Variants in CDK5RAP1 observed in about 807,000 individuals in gnomAD.
The protein encoded by CDK5RAP1 is CDK5RAP1 mitochondrial tRNA methylthiotransferase.
Under a neutral mutation model 64.5 loss-of-function variants are expected in CDK5RAP1, and 62 were observed. The ratio of observed to expected loss-of-function variants is 0.96; its 90% CI spans 0.78 to 1.19. The LOEUF is 1.19. CDK5RAP1 is among the 50% of genes most tolerant of loss of function. The pLI is 0.00. For synonymous variants in CDK5RAP1, 250 were observed against 261.9 expected, an observed-to-expected ratio of 0.95 and a Z score of 0.44; for missense variants, 657 against 735.0, an observed-to-expected ratio of 0.89 and a Z score of 1.23.
In CDK5RAP1 at chr20:33,379,576, T is replaced by G. The variant is rs1986485787; in HGVS notation, c.992A>C (p.Tyr331Ser). The change falls in exon 8 of 14, where the codon TAT becomes TCT. Residue 331 changes from tyrosine (Y) to serine (S), a missense_variant. Physicochemically the swap from Tyr to Ser is moderately radical, Grantham distance 144. Transcript: ENST00000346416. ...TNLSRGFTTN[Y>S]KTKQGGLRFA... ...ACGAAGTCCTCCTTGCTTGGTTTTA[T>G]AGTTGGTGGTAAAGCCACGACTGAG... is the stretch of plus-strand genomic sequence containing the variant. 24 of 1,614,102 alleles carry G rather than the reference T, an allele frequency of 1.5e-5. No homozygotes were observed. Among genetic ancestry groups the G allele is most frequent in the Non-Finnish European group, 2.0e-5 (24 of 1,179,974 alleles).
chr20:33,372,862 G>T, intron 9 of CDK5RAP1, 165 bp from the exon 10 acceptor site: 1 of 464,830 alleles, frequency 2.2e-6, no homozygotes, highest in East Asian at 3.7e-5. Flanking sequence ...GATCTAAGCT[G>T]TATCTTCTAA....
At position 33,386,089 on chromosome 20, in the gene CDK5RAP1, C is replaced by T. The variant is rs143447790; in HGVS notation, c.756-319G>A. Reference sequence around the variant, plus strand: ...TTTTTTTGTTTTGTTTTGTTTGAGACGGAGTCTCACTCTGTCACCAGGCTG... The same window carrying T: ...TTTTTTTGTTTTGTTTTGTTTGAGATGGAGTCTCACTCTGTCACCAGGCTG... On this transcript the variant is annotated intron_variant, in intron 6 of 13. Coordinates refer to ENST00000346416, the MANE Select transcript of CDK5RAP1 (RefSeq NM_016408.4). Among the ~76,000 whole-genome samples, 1,234 of 152,294 alleles carry T rather than the reference C, an allele frequency of 8.1e-3. 22 individuals are homozygous for T. The highest frequency in any genetic ancestry group is 0.028 in the African/African-American group (1,176 of 41,544).
intron 8 of CDK5RAP1, 112 bp downstream of exon 8, chr20:33,379,349 C>G: frequency 2.8e-6 from 2 of 715,220 alleles, no homozygotes; most frequent in Non-Finnish European, 4.8e-6. Flanking sequence ...CAGCAATACC[C>G]CACAGGATCC....
At chr20:33,393,972 G>A in intron 4 of CDK5RAP1, 60 bp downstream of exon 4, 5 of 1,222,318 alleles carry the variant, frequency 4.1e-6, no homozygotes, top group Non-Finnish European at 6.1e-6. Flanking sequence ...GCCAGGCACT[G>A]TTAGCTCTGG....
intron 7 of CDK5RAP1, among the ~76,000 whole-genome samples, chr20:33,382,426 A>G (rs78967900): frequency 1.3e-5 from 2 of 152,208 alleles, no homozygotes; most frequent in African/African-American, 4.8e-5. Flanking sequence ...CATGCCTGTA[A>G]TCCTAGCACT....
intron 11 of CDK5RAP1, among the ~76,000 whole-genome samples, chr20:33,368,459 ATTTTTTTT>A (rs35954744): frequency 4.4e-5 from 3 of 67,566 alleles, no homozygotes; most frequent in African/African-American, 6.0e-5. Flanking sequence ...CTCTCGGCTA[ATTTTTTTT>A]TTTTTTTTTT....
At chr20:33,394,918 G>A in intron 3 of CDK5RAP1, 95 bp downstream of exon 3, 1 of 764,812 alleles carries the variant, frequency 1.3e-6, no homozygotes, top group Non-Finnish European at 2.4e-6. Context: ...CTCTCACCAG[G>A]GGGCACCCTG....
chr20:33,394,546 A>AC (rs1344694003), intron 3 of CDK5RAP1, among the ~76,000 whole-genome samples: 10 of 150,840 alleles, frequency 6.6e-5, no homozygotes, highest in African/African-American at 2.0e-4. Context: ...CAATAGCATA[A>AC]CCATAGCTCA....
At chr20:33,390,800 T>A (rs1988221430) in intron 5 of CDK5RAP1, among the ~76,000 whole-genome samples, 1 of 152,160 alleles carries the variant, frequency 6.6e-6, no homozygotes, top group South Asian at 2.1e-4. Flanking sequence ...GCTCCATCTG[T>A]GTGTGGACCC....
At position 33,396,941 on chromosome 20, in the gene CDK5RAP1, G is replaced by A; in HGVS notation, c.124C>T (p.Pro42Ser). 6.2e-7 allele frequency: 1 copy of A among 1,614,146 alleles called. No homozygotes were observed. Among genetic ancestry groups the A allele is most frequent in the Non-Finnish European group, 8.5e-7 (1 of 1,180,014 alleles). The change falls in exon 2 of 14, where the codon CCC (proline) becomes TCC (serine). Residue 42 changes from proline to serine, a missense_variant. Pro to Ser is a moderately conservative substitution (Grantham distance 74). Transcript: ENST00000346416. Reference protein sequence around the residue: ...AHSSLSSTMCPSPERQEDGAR... With the variant: ...AHSSLSSTMCSSPERQEDGAR... ...CCATCCTCCTGCCTCTCTGGACTGGGACACATGGTACTAGAGAGACTGCTG... is the reference window on the plus strand; with the variant it reads ...CCATCCTCCTGCCTCTCTGGACTGGAACACATGGTACTAGAGAGACTGCTG...
intron 11 of CDK5RAP1, among the ~76,000 whole-genome samples, chr20:33,369,258 C>T (rs1189650601): frequency 6.6e-6 from 1 of 151,940 alleles, no homozygotes; most frequent in Non-Finnish European, 1.5e-5. Flanking sequence ...CCGAGGCGGG[C>T]AGATCACGAG....
intron 2 of CDK5RAP1, among the ~76,000 whole-genome samples, 176 bp downstream of exon 2, chr20:33,396,585 C>G (rs1988913454): frequency 6.6e-6 from 1 of 152,144 alleles, no homozygotes; most frequent in South Asian, 2.1e-4. Flanking sequence ...CAGGCATGAG[C>G]CACCGTGACC....
In CDK5RAP1 at chr20:33,370,632, G is replaced by A; in HGVS notation, c.1262-3C>T. 1 of 1,614,182 alleles carries A rather than the reference G, an allele frequency of 6.2e-7. No homozygotes were observed. The highest frequency in any genetic ancestry group is 8.5e-7 in the Non-Finnish European group (1 of 1,180,012). ...GAAATCGCTGCTGAGGCTCACACCTGTGATACACAGCAAAGGATGACAGGT... is the reference window on the plus strand; with the variant it reads ...GAAATCGCTGCTGAGGCTCACACCTATGATACACAGCAAAGGATGACAGGT... On this transcript the variant is annotated splice_region_variant and splice_polypyrimidine_tract_variant and intron_variant, in intron 10 of 13. Transcript: ENST00000346416.
intron 5 of CDK5RAP1, among the ~76,000 whole-genome samples, chr20:33,388,545 T>G (rs1987776470): frequency 5.0e-5 from 2 of 40,146 alleles, no homozygotes; most frequent in South Asian, 1.3e-3. Context: ...CCTCTCCCTC[T>G]CCCCCTCTCC....
chr20:33,401,296 G>C, intron 1 of CDK5RAP1, 132 bp downstream of exon 1: 4 of 663,252 alleles, frequency 6.0e-6, no homozygotes, highest in Non-Finnish European at 7.5e-6. Context: ...CCTGACGCCA[G>C]GCCCCACGCC....
Position 33,374,165 on chromosome 20 carries a change from G to T in CDK5RAP1, c.1155C>A (p.His385Gln), listed in dbSNP as rs750949363. Residue 385 changes from histidine to glutamine, a missense_variant, in exon 9 of 14, where the codon CAC (histidine) becomes CAA (glutamine). Physicochemically the swap from His to Gln is conservative, Grantham distance 24. Coordinates refer to ENST00000346416, the MANE Select transcript of CDK5RAP1 (RefSeq NM_016408.4). ...GGCTGCTTCCACTCTGGGCTGGCAGGTGGATCTGTTTACAGATGTTATCTC... is the reference window on the plus strand; with the variant it reads ...GGCTGCTTCCACTCTGGGCTGGCAGTTGGATCTGTTTACAGATGTTATCTC... ...HERDNICKQIHLPAQSGSSRV... is the reference protein window; with the variant it reads ...HERDNICKQIQLPAQSGSSRV... 2 of 1,613,928 alleles carry T rather than the reference G, an allele frequency of 1.2e-6. No homozygotes were observed. The highest frequency in any genetic ancestry group is 1.3e-5 in the African/African-American group (1 of 74,930).
intron 10 of CDK5RAP1, 138 bp from the exon 11 acceptor site, chr20:33,370,767 G>A (rs1984873155): frequency 2.5e-6 from 2 of 814,198 alleles, no homozygotes; most frequent in South Asian, 3.4e-5. Flanking sequence ...AAACAAAATA[G>A]TACAGAGTAA....
intron 7 of CDK5RAP1, among the ~76,000 whole-genome samples, chr20:33,382,383 TA>T (rs1225055322): frequency 3.9e-5 from 6 of 152,170 alleles, no homozygotes; most frequent in African/African-American, 1.4e-4. Context: ...GAACTAATGG[TA>T]TTAAAAATAT....
intron 8 of CDK5RAP1, 101 bp downstream of exon 8, chr20:33,379,360 C>T: frequency 1.3e-6 from 1 of 778,194 alleles, no homozygotes; most frequent in Non-Finnish European, 2.2e-6. Flanking sequence ...CACAGGATCC[C>T]TAAGCAGGAC....
Sources: allele counts gnomAD v4.1 joint callset (sites outside exome capture counted in the v4.1 genomes callset), GRCh38; gene constraint gnomAD v4.1.1; transcripts MANE v1.5; gene names NCBI Gene and HGNC (gene_info 2026-07-23, HGNC 2026-07-21).